The following KIF6 variants were observed in gnomAD, a reference collection of about 807,000 sequenced individuals.
The protein encoded by KIF6 is kinesin-like protein KIF6.
Under a neutral mutation model 112.7 loss-of-function variants are expected in KIF6, and 106 were observed. The observed-to-expected ratio is 0.94, with a 90% CI of 0.80 to 1.11. KIF6 has a LOEUF of 1.11. Ranked by LOEUF, KIF6 falls within the 50% of genes least tolerant of loss-of-function variation. The probability of loss-of-function intolerance (pLI) is 0.00; values close to 1 mark genes in which losing one functional copy is unlikely to be tolerated. For missense variants in KIF6, 929 were observed against 964.0 expected, an observed-to-expected ratio of 0.96 and a Z score of 0.48; for synonymous variants, 339 against 339.9, an observed-to-expected ratio of 1.00 and a Z score of 0.03.
intron 21 of KIF6, among the ~76,000 whole-genome samples, chr6:39,344,109 G>C (rs1763529028): frequency 1.3e-5 from 2 of 152,132 alleles, no homozygotes; most frequent in Admixed American, 6.5e-5. Flanking sequence ...TTGTGGGAGG[G>C]ACCAGGTGGG....
intron 3 of KIF6, among the ~76,000 whole-genome samples, chr6:39,706,321 G>C (rs1433346584): frequency 6.6e-6 from 1 of 152,174 alleles, no homozygotes; most frequent in Non-Finnish European, 1.5e-5. Flanking sequence ...AATAAAATCT[G>C]TGTTTGAAAT....
At chr6:39,439,574 C>CA (rs754424125) in intron 13 of KIF6, among the ~76,000 whole-genome samples, 1 of 152,156 alleles carries the variant, frequency 6.6e-6, no homozygotes, top group African/African-American at 2.4e-5. Flanking sequence ...TGATAGTGGT[C>CA]AAAGAGCACA....
rs1354841562 is a variant in KIF6 at position 39,544,625 on chromosome 6, A to G, written c.1356T>C (p.Cys452=). Residue 452 remains cysteine (C), a synonymous_variant, in exon 12 of 23, where the codon TGT becomes TGC. Coordinates refer to ENST00000287152, the MANE Select transcript of KIF6 (RefSeq NM_145027.6). ...TVSSESKDQD[C]QEPLKEEEYR... is the part of the protein sequence containing the mutation. ...ATTCTTCTTCTTTTAATGGTTCTTG[A>G]CAATCTTGGTCTTTGCTTTCAGAGG... The G allele has an allele frequency of 6.2e-7, 1 of 1,612,360 alleles. No homozygotes were observed. Among genetic ancestry groups the G allele is most frequent in the Admixed American group, 1.7e-5 (1 of 59,888 alleles).
At chr6:39,721,016 T>C (rs1374261434) in intron 1 of KIF6, among the ~76,000 whole-genome samples, 1 of 152,166 alleles carries the variant, frequency 6.6e-6, no homozygotes, top group Non-Finnish European at 1.5e-5. Context: ...AAACCTAAAT[T>C]AATGCTGTAT....
At position 39,435,382 on chromosome 6, in the gene KIF6, A is replaced by T. The variant is rs184444149; in HGVS notation, c.1646-4221T>A. 5.0e-3 allele frequency among the ~76,000 whole-genome samples: 761 copies of T among 152,232 alleles called. 3 individuals are homozygous for T. Among genetic ancestry groups the T allele is most frequent in the African/African-American group, 0.017 (698 of 41,522 alleles). ...TCCATGAGGGCAGGTATTTAAAAAA[A>T]TTTTTTTATTTCAATAGCTTTAGAG... On this transcript the variant is annotated intron_variant, in intron 13 of 22. Transcript: ENST00000287152.
chr6:39,375,051 G>A (rs1035348010), intron 16 of KIF6, among the ~76,000 whole-genome samples: 9 of 152,178 alleles, frequency 5.9e-5, no homozygotes, highest in African/African-American at 2.2e-4. Flanking sequence ...AGGAAATTCT[G>A]TCATTTCCAA....
chr6:39,352,143 T>G (rs1436377255), intron 19 of KIF6, among the ~76,000 whole-genome samples: 6 of 152,254 alleles, frequency 3.9e-5, no homozygotes, highest in Admixed American at 3.3e-4. Context: ...GTTTTAAGTT[T>G]ACAGAAAATT....
chr6:39,444,248 T>C (rs1772164279), intron 13 of KIF6, among the ~76,000 whole-genome samples: 1 of 152,182 alleles, frequency 6.6e-6, no homozygotes, highest in Non-Finnish European at 1.5e-5. Context: ...TCTTTTTTTT[T>C]CTTTTTTTGG....
At chr6:39,671,270 A>G (rs1416423972) in intron 3 of KIF6, among the ~76,000 whole-genome samples, 3 of 152,208 alleles carry the variant, frequency 2.0e-5, no homozygotes, top group East Asian at 3.9e-4. Context: ...TGTAGACTCA[A>G]TATTTGCAAT....
intron 9 of KIF6, among the ~76,000 whole-genome samples, chr6:39,583,674 CTTTTT>C (rs564229262): frequency 7.0e-5 from 5 of 71,680 alleles, no homozygotes; most frequent in African/African-American, 2.5e-4. Context: ...GATTTCACTT[CTTTTT>C]TTTTTTTTTT....
intron 14 of KIF6, among the ~76,000 whole-genome samples, chr6:39,422,029 C>T (rs148767380): frequency 3.5e-4 from 54 of 152,328 alleles, no homozygotes; most frequent in Non-Finnish European, 5.7e-4. Context: ...ATCTGACAGT[C>T]ACACGTTGCT....
At chr6:39,572,999 C>T (rs1221874275) in intron 10 of KIF6, among the ~76,000 whole-genome samples, 1 of 149,526 alleles carries the variant, frequency 6.7e-6, no homozygotes, top group African/African-American at 2.5e-5. Flanking sequence ...CTGCACAATT[C>T]ATACTAGATA....
chr6:39,536,586 G>C (rs1317451416), intron 13 of KIF6, among the ~76,000 whole-genome samples: 6 of 151,942 alleles, frequency 3.9e-5, no homozygotes, highest in Admixed American at 2.0e-4. Flanking sequence ...GCTTACCAAC[G>C]AAAAAGAGTC....
rs3736735 is a variant in KIF6, at chr6:39,545,567, A to C, written c.1287+16T>G. 0.041 allele frequency: 65,187 copies of C among 1,584,164 alleles called. 2,839 individuals are homozygous for C. Among genetic ancestry groups the C allele is most frequent in the East Asian group, 0.27 (11,868 of 44,502 alleles). On this transcript the variant is annotated intron_variant, in intron 11 of 22. Coordinates refer to ENST00000287152, the MANE Select transcript of KIF6 (RefSeq NM_145027.6). ...TGGCTGAAAATGGCTTCTATTGGGG[A>C]AACATTTAAGTTTACCTTTAAATGA...
intron 5 of KIF6, among the ~76,000 whole-genome samples, chr6:39,627,681 C>T (rs1784159564): frequency 6.6e-6 from 1 of 152,140 alleles, no homozygotes; most frequent in Admixed American, 6.6e-5. Flanking sequence ...AAATACAACA[C>T]AGCCAAGATT....
At chr6:39,676,609 T>A (rs1787154773) in intron 3 of KIF6, among the ~76,000 whole-genome samples, 1 of 151,956 alleles carries the variant, frequency 6.6e-6, no homozygotes, top group African/African-American at 2.4e-5. Context: ...CAAGATAGAA[T>A]TAAAACATTT....
intron 15 of KIF6, among the ~76,000 whole-genome samples, chr6:39,412,489 T>A (rs1465751772): frequency 6.6e-6 from 1 of 152,242 alleles, no homozygotes; most frequent in Non-Finnish European, 1.5e-5. Flanking sequence ...ACATTTTCAA[T>A]ACAATTGCAA....
intron 13 of KIF6, among the ~76,000 whole-genome samples, chr6:39,493,346 G>T (rs762171188): frequency 2.0e-5 from 3 of 152,196 alleles, no homozygotes; most frequent in Non-Finnish European, 4.4e-5. Flanking sequence ...TAAGTGACCT[G>T]CCCAAGGTTG....
intron 13 of KIF6, among the ~76,000 whole-genome samples, chr6:39,500,961 A>G (rs1185410058): frequency 6.6e-6 from 1 of 152,132 alleles, no homozygotes; most frequent in Admixed American, 6.5e-5. Context: ...GCCAATTAGA[A>G]GCAGCTGCAG....
Sources: allele counts gnomAD v4.1 joint callset (sites outside exome capture counted in the v4.1 genomes callset), GRCh38; gene constraint gnomAD v4.1.1; transcripts MANE v1.5; gene names NCBI Gene and HGNC (gene_info 2026-07-23, HGNC 2026-07-21).